The following CXCL13 variants were observed in gnomAD, a reference collection of about 807,000 sequenced individuals.
CXCL13 encodes C-X-C motif chemokine ligand 13, also known as C-X-C motif chemokine 13.
In CXCL13, 7 loss-of-function variants were observed where a neutral mutation model predicts 12.2. The observed-to-expected ratio is 0.57, with a 90% CI of 0.33 to 1.07. CXCL13 has a LOEUF of 1.07. CXCL13 is among the 50% of genes least tolerant of loss of function. The pLI is 0.04. For synonymous variants in CXCL13, 47 were observed against 42.4 expected (o/e 1.11, Z -0.42); for missense variants, 113 against 127.4 (o/e 0.89, Z 0.55).
chr4:77,562,266 G>T (rs959274883), intron 1 of CXCL13, among the ~76,000 whole-genome samples: 1 of 150,332 alleles, frequency 6.7e-6, no homozygotes. Flanking sequence ...CTCCCTGACG[G>T]GCAACGCCCC....
At chr4:77,558,088 C>T (rs548495080) in intron 1 of CXCL13, among the ~76,000 whole-genome samples, 1 of 152,310 alleles carries the variant, frequency 6.6e-6, no homozygotes, top group South Asian at 2.1e-4. Flanking sequence ...GCTCTGACAC[C>T]TTGATCCAGA....
chr4:77,528,604 C>T (rs894782622), intron 1 of CXCL13, among the ~76,000 whole-genome samples: 38 of 152,252 alleles, frequency 2.5e-4, no homozygotes, highest in Middle Eastern at 3.4e-3. Context: ...TCACATCCTT[C>T]GCCCACTTTT....
At position 77,607,778 on chromosome 4, in the gene CXCL13, T is replaced by C. The variant is rs1438574168; in HGVS notation, c.140T>C (p.Phe47Ser). 6.2e-7 allele frequency: 1 copy of C among 1,614,098 alleles called. No homozygotes were observed. Among genetic ancestry groups the C allele is most frequent in the East Asian group, 2.2e-5 (1 of 44,870 alleles). ...QESSVFIPRR[F>S]IDRIQILPRG... ...AGCTCAGTCTTTATCCCTAGACGCT[T>C]CATTGATCGAATTCAAATCTTGCCC... Residue 47 changes from phenylalanine to serine, a missense_variant, in exon 2 of 4, where the codon TTC becomes TCC. By Grantham distance (155) the Phe-to-Ser change is radical. Transcript: ENST00000682537.
chr4:77,552,167 C>T (rs1008775574), intron 1 of CXCL13, among the ~76,000 whole-genome samples: 9 of 152,122 alleles, frequency 5.9e-5, no homozygotes, highest in Admixed American at 4.6e-4. Context: ...TTCATTGTGC[C>T]AGAATTCTTG....
intron 1 of CXCL13, among the ~76,000 whole-genome samples, chr4:77,551,527 G>A (rs1318129677): frequency 6.6e-6 from 1 of 152,104 alleles, no homozygotes. Context: ...TTTTCCTCTA[G>A]CTGCCTTTAA....
chr4:77,556,623 C>A (rs1018674619), intron 1 of CXCL13, among the ~76,000 whole-genome samples: 15 of 152,020 alleles, frequency 9.9e-5, no homozygotes, highest in Non-Finnish European at 1.5e-5. Flanking sequence ...ATTTATATAT[C>A]ATTGTGATAA....
chr4:77,539,749 G>A (rs1725156282), intron 1 of CXCL13, among the ~76,000 whole-genome samples: 1 of 152,126 alleles, frequency 6.6e-6, no homozygotes, highest in African/African-American at 2.4e-5. Flanking sequence ...TATTTATTAG[G>A]GGATTGCCGT....
upstream of CXCL13, among the ~76,000 whole-genome samples, chr4:77,600,976 A>C (rs1385502833): frequency 6.6e-6 from 1 of 152,126 alleles, no homozygotes; most frequent in Non-Finnish European, 1.5e-5. Flanking sequence ...AATGCAACAC[A>C]CCCCTTCTGG....
intron 1 of CXCL13, among the ~76,000 whole-genome samples, chr4:77,550,657 C>T (rs2109806706): frequency 6.6e-6 from 1 of 152,276 alleles, no homozygotes; most frequent in East Asian, 1.9e-4. Flanking sequence ...TGTTGAAGTT[C>T]ACAATTTCTC....
chr4:77,518,775 GC>G (rs1335244866), intron 1 of CXCL13, among the ~76,000 whole-genome samples: 3 of 152,144 alleles, frequency 2.0e-5, no homozygotes, highest in African/African-American at 7.2e-5. Flanking sequence ...ATTGTCTGAA[GC>G]CTTCTTCTCT....
At chr4:77,572,494 C>T (rs1443740293) in intron 1 of CXCL13, among the ~76,000 whole-genome samples, 4 of 151,856 alleles carry the variant, frequency 2.6e-5, no homozygotes, top group Admixed American at 2.0e-4. Flanking sequence ...AAAAGCTCAA[C>T]ATCACTGATC....
chr4:77,513,440 T>C (rs1214422559), intron 1 of CXCL13, among the ~76,000 whole-genome samples: 2 of 151,880 alleles, frequency 1.3e-5, no homozygotes, highest in African/African-American at 4.8e-5. Flanking sequence ...CTCTCCAGCA[T>C]CTGTTGTTTC....
At chr4:77,532,971 A>G (rs1418671354) in intron 1 of CXCL13, among the ~76,000 whole-genome samples, 1 of 151,924 alleles carries the variant, frequency 6.6e-6, no homozygotes, top group East Asian at 1.9e-4. Flanking sequence ...CTTCTTTGCC[A>G]TGGGTTTGAA....
intron 1 of CXCL13, among the ~76,000 whole-genome samples, chr4:77,555,966 T>G (rs1725647329): frequency 6.6e-6 from 1 of 152,124 alleles, no homozygotes. Flanking sequence ...ATGTCATGGG[T>G]GAGGTTATGG....
At position 77,598,755 on chromosome 4, in the gene CXCL13, G is replaced by A. The variant is rs150471214; in HGVS notation, c.-42-7069G>A. 1.1e-3 allele frequency among the ~76,000 whole-genome samples: 160 copies of A among 152,182 alleles called. 5 individuals carry two copies. The East Asian group carries it at 0.023, about 22-fold the overall frequency. On this transcript the variant is annotated intron_variant, in intron 1 of 4. Transcript: ENST00000286758. ...ACATTCTACAGAAGGAAGGTGAGGT[G>A]TCGCCCAACTCTAAGCTTTGAAAAT...
intron 1 of CXCL13, among the ~76,000 whole-genome samples, chr4:77,520,027 A>T (rs1370997446): frequency 1.3e-5 from 2 of 152,038 alleles, no homozygotes; most frequent in Non-Finnish European, 2.9e-5. Context: ...ATGGTTGTAG[A>T]TGTGTGGTGT....
intron 1 of CXCL13, among the ~76,000 whole-genome samples, chr4:77,607,155 C>T (rs912490274): frequency 2.0e-5 from 3 of 152,082 alleles, no homozygotes; most frequent in African/African-American, 4.8e-5. Context: ...GTCATGTCCT[C>T]GGTTTTTATG....
chr4:77,586,713 C>T (rs1726473113), intron 1 of CXCL13, among the ~76,000 whole-genome samples: 1 of 152,160 alleles, frequency 6.6e-6, no homozygotes, highest in Admixed American at 6.5e-5. Context: ...AGTGGAATAA[C>T]TCATTTTTCC....
At chr4:77,554,034 G>A (rs1725598524) in intron 1 of CXCL13, among the ~76,000 whole-genome samples, 1 of 152,018 alleles carries the variant, frequency 6.6e-6, no homozygotes, top group African/African-American at 2.4e-5. Flanking sequence ...CAATATATAT[G>A]TATTTTATAA....
Sources: gnomAD v4.1 joint callset for allele counts (sites outside exome capture counted in the v4.1 genomes callset) on GRCh38, gnomAD v4.1.1 for gene constraint, MANE v1.5 for transcripts, NCBI Gene and HGNC (gene_info 2026-07-23, HGNC 2026-07-21) for gene names.